ROBO2: variants seen among roughly 807,000 people sequenced by gnomAD.
ROBO2 encodes roundabout homolog 2.
ROBO2 carries 53 observed loss-of-function variants against 160.8 expected under a neutral mutation model. The ratio of observed to expected loss-of-function variants is 0.33; its 90% CI spans 0.26 to 0.41. The LOEUF (loss-of-function observed/expected upper bound fraction) is 0.41, where lower values mean the gene tolerates loss of function less well. Ranked by LOEUF, ROBO2 falls within the 10% of genes least tolerant of loss-of-function variation. ROBO2 has a pLI of 1.00. For missense variants in ROBO2, 1,577 were observed against 1,722.4 expected (o/e 0.92, Z 1.49); for synonymous variants, 664 against 611.7 (o/e 1.09, Z -1.26).
At chr3:76,331,395 G>A (rs1012203003) in intron 2 of ROBO2, among the ~76,000 whole-genome samples, 20 of 152,000 alleles carry the variant, frequency 1.3e-4, no homozygotes, top group Non-Finnish European at 4.4e-5. Context: ...GTCTGAAACT[G>A]CCTTTTAATT....
chr3:76,446,317 G>T (rs1204189041), intron 2 of ROBO2, among the ~76,000 whole-genome samples: 1 of 152,058 alleles, frequency 6.6e-6, no homozygotes, highest in Non-Finnish European at 1.5e-5. Context: ...AAAATACCTA[G>T]GAATCCCACT....
intron 2 of ROBO2, among the ~76,000 whole-genome samples, chr3:76,661,009 A>T (rs184033844): frequency 6.6e-6 from 1 of 152,306 alleles, no homozygotes; most frequent in East Asian, 1.9e-4. Flanking sequence ...TTAAATACAG[A>T]ATATTTCTCA....
chr3:77,228,922 G>C (rs1306371290), intron 2 of ROBO2, among the ~76,000 whole-genome samples: 1 of 152,062 alleles, frequency 6.6e-6, no homozygotes, highest in Non-Finnish European at 1.5e-5. Context: ...AGAAATAGTT[G>C]AACTACTCAT....
intron 2 of ROBO2, chr3:77,316,879 A>T: frequency 8.5e-7 from 1 of 1,171,916 alleles, no homozygotes; most frequent in Non-Finnish European, 1.3e-6. Flanking sequence ...TAAACCTATC[A>T]GGCTGGAGTT....
chr3:76,032,077 A>G (rs1035561965), intron 2 of ROBO2, among the ~76,000 whole-genome samples: 3 of 152,094 alleles, frequency 2.0e-5, no homozygotes, highest in Non-Finnish European at 4.4e-5. Flanking sequence ...TTCCTGGTTT[A>G]GTCTTGGGAG....
At chr3:77,382,370 C>A (rs1032083718) in intron 2 of ROBO2, among the ~76,000 whole-genome samples, 1 of 113,034 alleles carries the variant, frequency 8.8e-6, no homozygotes, top group South Asian at 2.7e-4. Context: ...TTTAAAAAGT[C>A]TTTTTTTAGG....
At chr3:76,440,571 A>C (rs1315691744) in intron 2 of ROBO2, among the ~76,000 whole-genome samples, 4 of 152,162 alleles carry the variant, frequency 2.6e-5, no homozygotes, top group Non-Finnish European at 5.9e-5. Flanking sequence ...AAGGCAAGTA[A>C]AATACAATTC....
At chr3:77,120,231 C>G (rs2074614654) in intron 2 of ROBO2, among the ~76,000 whole-genome samples, 1 of 152,088 alleles carries the variant, frequency 6.6e-6, no homozygotes, top group African/African-American at 2.4e-5. Context: ...AACATTTGTC[C>G]TACGGGCAAG....
At chr3:77,483,089 G>T (rs897356358) in intron 4 of ROBO2, among the ~76,000 whole-genome samples, 1 of 152,100 alleles carries the variant, frequency 6.6e-6, no homozygotes, top group Non-Finnish European at 1.5e-5. Flanking sequence ...TATCCAAATA[G>T]ATTGAATTTG....
At chr3:76,318,377 C>G (rs2072224503) in intron 2 of ROBO2, among the ~76,000 whole-genome samples, 1 of 151,936 alleles carries the variant, frequency 6.6e-6, no homozygotes, top group South Asian at 2.1e-4. Context: ...TGCATTACAC[C>G]CTTATCAAGC....
chr3:77,127,032 G>A (rs373703097), intron 2 of ROBO2, among the ~76,000 whole-genome samples: 81 of 151,000 alleles, frequency 5.4e-4, no homozygotes, highest in African/African-American at 1.7e-3. Flanking sequence ...CTCATGATCC[G>A]CCCGCCTTGG....
At chr3:77,152,798 C>T (rs1358021741) in intron 2 of ROBO2, among the ~76,000 whole-genome samples, 2 of 152,178 alleles carry the variant, frequency 1.3e-5, no homozygotes, top group African/African-American at 4.8e-5. Flanking sequence ...CCTTATAACT[C>T]ACCCTTTTAA....
intron 2 of ROBO2, among the ~76,000 whole-genome samples, chr3:76,795,326 C>T (rs2063618026): frequency 6.6e-6 from 1 of 152,090 alleles, no homozygotes; most frequent in Non-Finnish European, 1.5e-5. Flanking sequence ...TTCTCTGTAG[C>T]ATGCAATGCT....
At chr3:76,774,504 T>A (rs1389239365) in intron 2 of ROBO2, among the ~76,000 whole-genome samples, 3 of 150,876 alleles carry the variant, frequency 2.0e-5, no homozygotes, top group Non-Finnish European at 4.5e-5. Context: ...GTGAATCATG[T>A]TTTTAAAAGG....
Position 76,883,433 on chromosome 3 carries a change from T to C in ROBO2, c.110-214581T>C, listed in dbSNP as rs147554403. Among the ~76,000 whole-genome samples the C allele has an allele frequency of 6.1e-3, 936 of 152,292 alleles. 1 individual carries two copies. The highest frequency in any genetic ancestry group is 0.011 in the Admixed American group (167 of 15,284). ...TCATTCGCAAAGCCCTATAATATGC[T>C]ATAAAAACAATCTACTGACTTGTTA... On this transcript the variant is annotated intron_variant, in intron 2 of 26. Transcript: ENST00000487694.
chr3:77,341,379 G>T (rs971663070), intron 2 of ROBO2, among the ~76,000 whole-genome samples: 11 of 152,144 alleles, frequency 7.2e-5, no homozygotes, highest in African/African-American at 2.4e-4. Flanking sequence ...AATCTTGACT[G>T]TAGATTTAAG....
At chr3:76,948,700 A>T (rs1161387703) in intron 2 of ROBO2, among the ~76,000 whole-genome samples, 4 of 138,848 alleles carry the variant, frequency 2.9e-5, no homozygotes, top group Non-Finnish European at 6.1e-5. Flanking sequence ...CTGAGGCTAT[A>T]ATTATAATTT....
chr3:76,183,737 C>A (rs1701616968), intron 2 of ROBO2, among the ~76,000 whole-genome samples: 1 of 151,854 alleles, frequency 6.6e-6, no homozygotes, highest in African/African-American at 2.4e-5. Flanking sequence ...TCACAACAGC[C>A]CTATGAGGCA....
chr3:76,462,568 C>T (rs755159945), intron 2 of ROBO2, among the ~76,000 whole-genome samples: 2 of 150,608 alleles, frequency 1.3e-5, no homozygotes, highest in Admixed American at 6.6e-5. Context: ...TGTAACTAAC[C>T]TGCACAATGT....
Sources: allele counts gnomAD v4.1 joint callset (sites outside exome capture counted in the v4.1 genomes callset), GRCh38; gene constraint gnomAD v4.1.1; transcripts MANE v1.5; gene names NCBI Gene and HGNC (gene_info 2026-07-23, HGNC 2026-07-21).